Variants in TRAPPC9 observed in about 807,000 individuals in gnomAD.
TRAPPC9 encodes IKK2 binding protein.
TRAPPC9 carries 83 observed loss-of-function variants against 124.0 expected under a neutral mutation model. The ratio of observed to expected loss-of-function variants is 0.67; its 90% CI spans 0.56 to 0.80. The LOEUF (loss-of-function observed/expected upper bound fraction) is 0.80, where lower values mean the gene tolerates loss of function less well. TRAPPC9 is among the 30% of genes least tolerant of loss of function. The pLI is 0.00. For missense variants in TRAPPC9, 1,302 were observed against 1,508.3 expected (o/e 0.86, Z 2.27); for synonymous variants, 638 against 617.5 (o/e 1.03, Z -0.49).
intron 6 of TRAPPC9, among the ~76,000 whole-genome samples, chr8:140,403,431 TAA>T (rs34616687): frequency 7.0e-6 from 1 of 142,530 alleles, no homozygotes; most frequent in African/African-American, 2.6e-5. Context: ...TCTGTCTCCA[TAA>T]AAAAAAAAAA....
At chr8:140,248,828 G>A (rs2064049862) in intron 16 of TRAPPC9, among the ~76,000 whole-genome samples, 1 of 152,158 alleles carries the variant, frequency 6.6e-6, no homozygotes. Context: ...CCAAGAATTT[G>A]AAGATAAGGT....
At chr8:139,845,633 C>G (rs1413567737) in intron 21 of TRAPPC9, among the ~76,000 whole-genome samples, 1 of 152,236 alleles carries the variant, frequency 6.6e-6, no homozygotes, top group African/African-American at 2.4e-5. Context: ...TTCCTCCATG[C>G]TCCCCGCAGT....
Position 140,042,752 on chromosome 8 carries a change from A to G in TRAPPC9, c.2557-18673T>C, listed in dbSNP as rs113986456. Among the ~76,000 whole-genome samples the G allele has an allele frequency of 4.5e-3, 683 of 152,276 alleles. 1 individual carries two copies. Among genetic ancestry groups the G allele is most frequent in the Middle Eastern group, 0.034 (10 of 294 alleles). ...CCTTCCCAGCACCGGGCTGCTCCTGAGTCAATTTCCTTCTGCTGATCTTCG... is the reference window on the plus strand; with the variant it reads ...CCTTCCCAGCACCGGGCTGCTCCTGGGTCAATTTCCTTCTGCTGATCTTCG... On this transcript the variant is annotated intron_variant, in intron 17 of 22. Transcript: ENST00000438773.
chr8:140,037,592 C>A (rs1455276738), intron 17 of TRAPPC9, among the ~76,000 whole-genome samples: 1 of 151,430 alleles, frequency 6.6e-6, no homozygotes, highest in African/African-American at 2.4e-5. Flanking sequence ...CACATACACA[C>A]ACACACACAA....
At chr8:140,411,401 G>A (rs1376726519) in intron 5 of TRAPPC9, among the ~76,000 whole-genome samples, 18 of 152,194 alleles carry the variant, frequency 1.2e-4, no homozygotes, top group Admixed American at 1.0e-3. Context: ...GAGTGCAGTG[G>A]CGAAATCTTG....
At chr8:139,765,251 A>C (rs1292045275) in intron 21 of TRAPPC9, among the ~76,000 whole-genome samples, 2 of 152,204 alleles carry the variant, frequency 1.3e-5, no homozygotes, top group Admixed American at 1.3e-4. Context: ...GTAACTGCCC[A>C]AGTTCTGGTA....
chr8:140,456,401 G>A (rs1444284217), intron 1 of TRAPPC9, among the ~76,000 whole-genome samples: 1 of 137,234 alleles, frequency 7.3e-6, no homozygotes, highest in African/African-American at 2.8e-5. Flanking sequence ...GACAGTGCGA[G>A]ACTCCGTCTC....
chr8:140,142,901 A>G (rs1229151718), intron 17 of TRAPPC9, among the ~76,000 whole-genome samples: 1 of 152,214 alleles, frequency 6.6e-6, no homozygotes, highest in Non-Finnish European at 1.5e-5. Flanking sequence ...CGCACCTGGT[A>G]GTGTCCAACT....
chr8:140,313,797 T>A (rs1052436858), intron 9 of TRAPPC9, among the ~76,000 whole-genome samples: 4 of 152,112 alleles, frequency 2.6e-5, no homozygotes, highest in Admixed American at 2.0e-4. Context: ...GTAAATGATT[T>A]TCAGCAGCGC....
rs758153516 is a variant in TRAPPC9 at position 140,353,584 on chromosome 8, T to C, written c.1495+6466A>G. 2.6e-5 allele frequency among the ~76,000 whole-genome samples: 4 copies of C among 152,144 alleles called. No individual in the cohort carries two copies. Among genetic ancestry groups the C allele is most frequent in the African/African-American group, 4.8e-5 (2 of 41,420 alleles). On this transcript the variant is annotated intron_variant, in intron 9 of 22. Coordinates refer to ENST00000438773, the MANE Select transcript of TRAPPC9 (RefSeq NM_001160372.4). The surrounding 1 kb of genome is among the most constrained non-coding windows in gnomAD (Gnocchi z 4.2). ...GAGTCTTTTTTATTTTCCACAGGAATTGGTGTCAGTAACTGTAAATTCATC... is the reference window on the plus strand; with the variant it reads ...GAGTCTTTTTTATTTTCCACAGGAACTGGTGTCAGTAACTGTAAATTCATC...
chr8:140,326,075 C>T (rs1192768181), intron 9 of TRAPPC9, among the ~76,000 whole-genome samples: 3 of 151,888 alleles, frequency 2.0e-5, no homozygotes, highest in Admixed American at 6.6e-5. Context: ...AATGGAAATC[C>T]GGGTAGTTTC....
At chr8:139,853,304 A>C (rs1827607962) in intron 21 of TRAPPC9, among the ~76,000 whole-genome samples, 1 of 152,174 alleles carries the variant, frequency 6.6e-6, no homozygotes, top group Admixed American at 6.5e-5. Context: ...TCATGAGAAA[A>C]GGAGGAGGGG....
chr8:139,951,864 C>T (rs532534304), intron 19 of TRAPPC9, among the ~76,000 whole-genome samples: 15 of 152,280 alleles, frequency 9.9e-5, no homozygotes, highest in Admixed American at 7.8e-4. Flanking sequence ...CGCTTAAGGC[C>T]AAGCAGCAGG....
chr8:139,839,061 C>G (rs547381802), intron 21 of TRAPPC9, among the ~76,000 whole-genome samples: 2 of 152,268 alleles, frequency 1.3e-5, no homozygotes, highest in Non-Finnish European at 1.5e-5. Context: ...CAGACGGTAT[C>G]CTAGGGTGGC....
In TRAPPC9 at chr8:139,996,547, GA is replaced by G. The variant is rs534950070; in HGVS notation, c.2700-7712del. On this transcript the variant is annotated intron_variant, in intron 18 of 22. Coordinates refer to ENST00000438773, the MANE Select transcript of TRAPPC9 (RefSeq NM_001160372.4). ...GGAAACAACAGGGGAAAATAAAACA[GA>G]AAAAAAAAACACTCTTATGGGACAA... is the stretch of plus-strand genomic sequence containing the variant. 8.4e-3 allele frequency among the ~76,000 whole-genome samples: 1,203 copies of G among 142,682 alleles called. 17 individuals carry two copies. The highest frequency in any genetic ancestry group is 0.029 in the African/African-American group (1,119 of 38,986). The allele number at this position is 142,682 out of a possible 152,430, so 93.6% of individuals were successfully genotyped here.
At chr8:139,765,877 C>G (rs113032916) in intron 21 of TRAPPC9, among the ~76,000 whole-genome samples, 1 of 152,178 alleles carries the variant, frequency 6.6e-6, no homozygotes, top group Non-Finnish European at 1.5e-5. Flanking sequence ...CATCCCCAGC[C>G]GGGGTCTGTG....
intron 9 of TRAPPC9, among the ~76,000 whole-genome samples, chr8:140,313,242 T>C: frequency 6.6e-6 from 1 of 152,344 alleles, no homozygotes; most frequent in East Asian, 1.9e-4. Context: ...ATTTGCCTAA[T>C]GTTAGGCAGA....
At chr8:140,442,577 G>A (rs1374181521) in intron 2 of TRAPPC9, among the ~76,000 whole-genome samples, 3 of 145,490 alleles carry the variant, frequency 2.1e-5, no homozygotes, top group East Asian at 2.0e-4. Context: ...CAACCTGGTC[G>A]ACAGAGCGAG....
intron 19 of TRAPPC9, among the ~76,000 whole-genome samples, chr8:139,982,913 T>A (rs1197083275): frequency 6.6e-6 from 1 of 152,174 alleles, no homozygotes; most frequent in East Asian, 1.9e-4. Context: ...CTGCTCCCCC[T>A]GCCTGCACGG....
Sources: allele counts gnomAD v4.1 joint callset (sites outside exome capture counted in the v4.1 genomes callset), GRCh38; gene constraint gnomAD v4.1.1; non-coding constraint Gnocchi (gnomAD v3.1); transcripts MANE v1.5; gene names NCBI Gene and HGNC (gene_info 2026-07-23, HGNC 2026-07-21).